The following RBM34 variants were observed in gnomAD, a reference collection of about 807,000 sequenced individuals.
RBM34 encodes the protein RNA binding motif protein 34, also known as RNA-binding protein 34.
RBM34 carries 39 observed loss-of-function variants against 44.6 expected under a neutral mutation model. That is an observed-to-expected ratio of 0.87 (90% CI 0.68 to 1.14). The LOEUF (loss-of-function observed/expected upper bound fraction) is 1.14. Among genes scored for constraint, RBM34 ranks in the 50% most tolerant of loss-of-function variants. The pLI, the probability that RBM34 is intolerant of heterozygous loss-of-function variation, is 0.00. For synonymous variants in RBM34, 194 were observed against 184.0 expected, an observed-to-expected ratio of 1.05 and a Z score of -0.44; for missense variants, 572 against 517.9, an observed-to-expected ratio of 1.10 and a Z score of -1.01.
rs367587529 is a variant in RBM34 at position 235,160,869 on chromosome 1, C to T, written c.228+24G>A. ...ATGTAAGTGGTTCTAACGAGCTATT[C>T]GGGAAGAAAGCCCAGTGACTTACTT... On this transcript the variant is annotated intron_variant, in intron 2 of 10. Transcript: ENST00000408888. 3 of 1,610,410 alleles carry T rather than the reference C, an allele frequency of 1.9e-6. No individual in the cohort carries two copies. The African/African-American group carries it at 4.0e-5, about 22-fold the overall frequency.
Position 235,160,639 on chromosome 1 carries a change from G to A in RBM34, c.237C>T (p.Ile79=), listed in dbSNP as rs776346651. Residue 79 remains isoleucine, a synonymous_variant, in exon 3 of 11, where the codon ATC becomes ATT. Coordinates refer to ENST00000408888, the MANE Select transcript of RBM34 (RefSeq NM_015014.4). ...PVYVPVPKQT[I]KKTKRNEEEE... ...CCTCCTCATTCCGTTTCGTTTTTTT[G>A]ATGGTTTGCTTTTTAAAAGTTTGAA... The A allele has an allele frequency of 1.2e-6, 2 of 1,610,182 alleles. No homozygotes were observed. The highest frequency in any genetic ancestry group is 2.2e-5 in the South Asian group (2 of 89,618).
intron 6 of RBM34, among the ~76,000 whole-genome samples, chr1:235,142,221 C>G (rs1048875988): frequency 6.6e-6 from 1 of 152,200 alleles, no homozygotes. Flanking sequence ...TAAGACAAGA[C>G]AGCAGAGACC....
chr1:235,160,584 G>C lies in RBM34; in HGVS notation c.292C>G (p.Leu98Val). The C allele has an allele frequency of 1.9e-6, 3 of 1,614,030 alleles. No individual in the cohort carries two copies. The highest frequency in any genetic ancestry group is 1.1e-5 in the South Asian group (1 of 91,024). ...EESTSQIERPLSQEPAKKVKA... is the reference protein window; with the variant it reads ...EESTSQIERPVSQEPAKKVKA... ...ACTTTTTTGGCAGGTTCTTGCGAAA[G>C]TGGTCTTTCAATCTGGGATGTACTT... Residue 98 changes from leucine (L) to valine (V), a missense_variant, in exon 3 of 11, where the codon CTT (leucine) becomes GTT (valine). Transcript: ENST00000408888.
intron 5 of RBM34, among the ~76,000 whole-genome samples, chr1:235,151,319 T>C (rs984698413): frequency 6.6e-6 from 1 of 152,080 alleles, no homozygotes; most frequent in Non-Finnish European, 1.5e-5. Flanking sequence ...TGGATGGAAG[T>C]AAGCAGATAT....
At chr1:235,160,738 TTC>T (rs1234698920) in intron 2 of RBM34, 91 bp from the exon 3 acceptor site, 5 of 1,521,708 alleles carry the variant, frequency 3.3e-6, no homozygotes, top group Middle Eastern at 1.7e-4. Flanking sequence ...TGAGAATCTC[TTC>T]TCTCTCACTG....
chr1:235,154,233 G>A (rs540604349), intron 4 of RBM34, among the ~76,000 whole-genome samples: 13 of 147,922 alleles, frequency 8.8e-5, no homozygotes, highest in African/African-American at 2.8e-4. Flanking sequence ...GCAACAGAGC[G>A]AGACTCTGTC....
In RBM34 at chr1:235,131,272, C is replaced by T. The variant is rs1283729494; in HGVS notation, c.*441G>A. The T allele has an allele frequency of 1.3e-5, 2 of 156,530 alleles. No homozygotes were observed. The highest frequency in any genetic ancestry group is 4.8e-5 in the African/African-American group (2 of 41,424). The allele number at this position is 156,530 out of a possible 1,614,324, so 9.7% of individuals were successfully genotyped here. On this transcript the variant is annotated 3_prime_UTR_variant, in exon 11 of 11. Coordinates refer to ENST00000408888, the MANE Select transcript of RBM34 (RefSeq NM_015014.4). ...CTGTAATCCCAGCACTTTGAGAGGC[C>T]AAGGCAGGTGGATCACCTGAGGTCA...
chr1:235,159,672 C>T (rs915837294), intron 3 of RBM34, among the ~76,000 whole-genome samples: 15 of 151,606 alleles, frequency 9.9e-5, no homozygotes, highest in African/African-American at 3.4e-4. Flanking sequence ...GAGTTCAAGA[C>T]CAACCTGGCC....
chr1:235,144,894 A>T (rs1024510835), intron 6 of RBM34, among the ~76,000 whole-genome samples: 1 of 152,140 alleles, frequency 6.6e-6, no homozygotes, highest in Non-Finnish European at 1.5e-5. Context: ...AAAATACAAA[A>T]TTAGCCAGGT....
intron 6 of RBM34, among the ~76,000 whole-genome samples, chr1:235,144,301 TAGAGAC>T (rs1661810249): frequency 1.1e-5 from 1 of 88,294 alleles, no homozygotes. Flanking sequence ...AACTAACACA[TAGAGAC>T]AGAAAGCAAA....
In RBM34 at chr1:235,136,093, A is replaced by C. The variant is rs2102826621; in HGVS notation, c.850-20T>G. On this transcript the variant is annotated intron_variant, in intron 8 of 10. Transcript: ENST00000408888. ...GTCTCTCTGAAACAAAAAGACAGTT[A>C]ATAAAAATCACTCACTAGACCAGAA... is the stretch of plus-strand genomic sequence containing the variant. 6.3e-7 allele frequency: 1 copy of C among 1,587,894 alleles called. No individual in the cohort carries two copies. The highest frequency in any genetic ancestry group is 2.2e-5 in the East Asian group (1 of 44,662).
rs1553272139 is a variant in RBM34 at position 235,131,959 on chromosome 1, A to G, written c.1047T>C (p.Asn349=). 21 of 1,604,854 alleles carry G rather than the reference A, an allele frequency of 1.3e-5. No homozygotes were observed. The highest frequency in any genetic ancestry group is 1.7e-5 in the Admixed American group (1 of 57,980). The stretch of plus-strand genomic sequence containing the variant: ...TGAGTTTTCTCCCCATGAGTTCAGA[A>G]TTATTTAATTTCAGAGCAAGATGAA... ...DSVHLALKLN[N]SELMGRKLRV... is the part of the protein sequence containing the mutation. The change falls in exon 11 of 11, where the codon AAT becomes AAC. Residue 349 remains asparagine, a synonymous_variant. Transcript: ENST00000408888.
intron 4 of RBM34, among the ~76,000 whole-genome samples, chr1:235,154,236 ACT>A (rs1207782072): frequency 1.4e-5 from 2 of 145,766 alleles, no homozygotes; most frequent in East Asian, 4.0e-4. Context: ...ACAGAGCGAG[ACT>A]CTGTCTCAAA....
Position 235,155,862 on chromosome 1 carries a change from T to C in RBM34, c.366-750A>G, listed in dbSNP as rs182178840. ...ATATATATATATATATATATATATATATATACATATATACTTTTTTTTTTT... is the reference window on the plus strand; with the variant it reads ...ATATATATATATATATATATATATACATATACATATATACTTTTTTTTTTT... On this transcript the variant is annotated intron_variant, in intron 3 of 10. Coordinates refer to ENST00000408888, the MANE Select transcript of RBM34 (RefSeq NM_015014.4). 5.1e-3 allele frequency among the ~76,000 whole-genome samples: 204 copies of C among 39,964 alleles called. 3 individuals carry two copies. Among genetic ancestry groups the C allele is most frequent in the South Asian group, 0.026 (23 of 888 alleles). 26.2% of individuals were successfully genotyped at this position (39,964 alleles called of 152,430 possible).
intron 5 of RBM34, among the ~76,000 whole-genome samples, chr1:235,151,772 C>A (rs1275801532): frequency 1.3e-5 from 2 of 152,168 alleles, no homozygotes; most frequent in African/African-American, 4.8e-5. Flanking sequence ...GTGACTCACA[C>A]CTGTAATCCC....
At chr1:235,146,201 C>T (rs1049449652) in intron 6 of RBM34, among the ~76,000 whole-genome samples, 11 of 151,934 alleles carry the variant, frequency 7.2e-5, no homozygotes, top group Non-Finnish European at 1.5e-4. Flanking sequence ...CCACCTTGGC[C>T]TCTAATGGTG....
chr1:235,146,001 G>A (rs1283607130), intron 6 of RBM34, among the ~76,000 whole-genome samples: 1 of 144,734 alleles, frequency 6.9e-6, no homozygotes, highest in Non-Finnish European at 1.5e-5. Flanking sequence ...TGGAAGACAG[G>A]GTCTCACTCT....
intron 6 of RBM34, among the ~76,000 whole-genome samples, chr1:235,146,618 T>TTTTA (rs1212988474): frequency 6.6e-6 from 1 of 152,064 alleles, no homozygotes; most frequent in African/African-American, 2.4e-5. Flanking sequence ...TATAATTAAA[T>TTTTA]TTTATTTATT....
chr1:235,137,863 C>T lies in RBM34; in HGVS notation c.849+14G>A. The T allele has an allele frequency of 6.4e-7, 1 of 1,568,770 alleles. No homozygotes were observed. The highest frequency in any genetic ancestry group is 1.1e-5 in the South Asian group (1 of 87,972). Reference sequence around the variant, plus strand: ...CAAAGCTCTCGTTCTTTAAACAAATCAAGTACTACTTACAGATGAGGTCTC... The same window carrying T: ...CAAAGCTCTCGTTCTTTAAACAAATTAAGTACTACTTACAGATGAGGTCTC... On this transcript the variant is annotated intron_variant, in intron 8 of 10. Coordinates refer to ENST00000408888, the MANE Select transcript of RBM34 (RefSeq NM_015014.4).
Sources: allele counts gnomAD v4.1 joint callset (sites outside exome capture counted in the v4.1 genomes callset), GRCh38; gene constraint gnomAD v4.1.1; transcripts MANE v1.5; gene names NCBI Gene and HGNC (gene_info 2026-07-23, HGNC 2026-07-21).